DNM3: variants seen among roughly 807,000 people sequenced by gnomAD.
The protein encoded by DNM3 is dynamin-3.
Under a neutral mutation model 101.6 loss-of-function variants are expected in DNM3, and 47 were observed. That is an observed-to-expected ratio of 0.46 (90% CI 0.37 to 0.59). The LOEUF (loss-of-function observed/expected upper bound fraction) is 0.59, where lower values mean the gene tolerates loss of function less well. Ranked by LOEUF, DNM3 falls within the 20% of genes least tolerant of loss-of-function variation. DNM3 has a pLI of 0.00. For synonymous variants in DNM3, 385 were observed against 387.9 expected (o/e 0.99, Z 0.09); for missense variants, 849 against 1,085.7 (o/e 0.78, Z 3.06).
At chr1:172,060,216 G>A (rs1452376909) in intron 10 of DNM3, among the ~76,000 whole-genome samples, 6 of 133,610 alleles carry the variant, frequency 4.5e-5, no homozygotes, top group Non-Finnish European at 7.9e-5. Flanking sequence ...CAAATGGAAG[G>A]ACATTCCATG....
intron 15 of DNM3, among the ~76,000 whole-genome samples, chr1:172,276,555 TAA>T (rs1471771661): frequency 0.024 from 602 of 24,836 alleles, 6 homozygotes; most frequent in Non-Finnish European, 0.041. Context: ...AAAAAAATCT[TAA>T]TGTGTGTGTG....
At chr1:172,090,324 GT>G (rs1199687888) in intron 12 of DNM3, among the ~76,000 whole-genome samples, 2 of 152,194 alleles carry the variant, frequency 1.3e-5, no homozygotes, top group Non-Finnish European at 2.9e-5. Flanking sequence ...GACATTTAAT[GT>G]GGAAAAAGAA....
intron 15 of DNM3, among the ~76,000 whole-genome samples, chr1:172,284,176 A>G (rs962898989): frequency 7.2e-5 from 11 of 152,108 alleles, no homozygotes; most frequent in Non-Finnish European, 1.5e-4. Flanking sequence ...CTGGTCAAAG[A>G]CCCCTTTGTA....
intron 2 of DNM3, among the ~76,000 whole-genome samples, chr1:171,975,196 G>T (rs868570689): frequency 1.3e-5 from 2 of 151,976 alleles, no homozygotes; most frequent in Non-Finnish European, 1.5e-5. Flanking sequence ...AAATGATTGG[G>T]TTGACTCTAT....
chr1:172,297,296 A>T (rs2064214942), intron 15 of DNM3, among the ~76,000 whole-genome samples: 1 of 152,086 alleles, frequency 6.6e-6, no homozygotes, highest in Non-Finnish European at 1.5e-5. Flanking sequence ...TTTTTGCCAT[A>T]GGGTTGCATA....
At chr1:172,249,768 CA>C (rs59928060) in intron 14 of DNM3, among the ~76,000 whole-genome samples, 6,671 of 146,250 alleles carry the variant, frequency 0.046, 446 homozygotes, top group African/African-American at 0.15. Flanking sequence ...TTATTTATTA[CA>C]AAAAAATGCT....
chr1:172,368,521 A>G (rs1273568975), intron 17 of DNM3, among the ~76,000 whole-genome samples: 1 of 151,950 alleles, frequency 6.6e-6, no homozygotes, highest in East Asian at 1.9e-4. Context: ...ACATCAAAAA[A>G]GTAGAAAGAT....
intron 15 of DNM3, among the ~76,000 whole-genome samples, chr1:172,260,864 T>C (rs1043208792): frequency 1.3e-5 from 2 of 152,150 alleles, no homozygotes; most frequent in African/African-American, 4.8e-5. Flanking sequence ...CCCCTTCTTG[T>C]GTCTCTCTGA....
chr1:171,998,390 A>C (rs6672365), intron 4 of DNM3, among the ~76,000 whole-genome samples: 45,916 of 152,060 alleles, frequency 0.3, 10,093 homozygotes, highest in African/African-American at 0.63. Flanking sequence ...GATTACATCC[A>C]CAAAGCACTC....
chr1:172,326,152 G>A (rs1254271250), intron 17 of DNM3, among the ~76,000 whole-genome samples: 2 of 152,092 alleles, frequency 1.3e-5, no homozygotes, highest in African/African-American at 2.4e-5. Flanking sequence ...AAAACATCAA[G>A]GTTCACATTC....
intron 18 of DNM3, among the ~76,000 whole-genome samples, chr1:172,382,182 AC>A (rs1476902169): frequency 6.6e-6 from 1 of 152,158 alleles, no homozygotes; most frequent in Non-Finnish European, 1.5e-5. Flanking sequence ...ATACCAGGTA[AC>A]AGCAGCACAA....
At chr1:171,951,236 A>G (rs767664690) in intron 2 of DNM3, among the ~76,000 whole-genome samples, 5 of 152,176 alleles carry the variant, frequency 3.3e-5, no homozygotes, top group Non-Finnish European at 7.3e-5. Flanking sequence ...TCTTTTACCT[A>G]AGACATGATG....
At chr1:171,843,979 T>C (rs1193855949) in intron 1 of DNM3, among the ~76,000 whole-genome samples, 1 of 152,232 alleles carries the variant, frequency 6.6e-6, no homozygotes, top group East Asian at 1.9e-4. Flanking sequence ...AAAAAGGTCA[T>C]TTAATTCATA....
chr1:172,388,368 A>G (rs1304935519), intron 19 of DNM3, among the ~76,000 whole-genome samples: 1 of 152,236 alleles, frequency 6.6e-6, no homozygotes, highest in East Asian at 1.9e-4. Context: ...AAACTTCTAT[A>G]GTTGTTTCAA....
At chr1:172,333,229 T>A (rs2066265926) in intron 17 of DNM3, among the ~76,000 whole-genome samples, 1 of 152,150 alleles carries the variant, frequency 6.6e-6, no homozygotes, top group African/African-American at 2.4e-5. Flanking sequence ...TATTATTAAC[T>A]TGAAATCTAA....
chr1:172,142,068 T>C (rs903106618), intron 14 of DNM3: 7 of 152,078 alleles, frequency 4.6e-5, no homozygotes, highest in African/African-American at 1.7e-4. Context: ...CTATGAAGTG[T>C]AGTTTGGACA....
At chr1:172,176,166 GT>G (rs1481027622) in intron 14 of DNM3, among the ~76,000 whole-genome samples, 1 of 151,786 alleles carries the variant, frequency 6.6e-6, no homozygotes, top group Non-Finnish European at 1.5e-5. Flanking sequence ...CATAGGGTCT[GT>G]TTAAGGGGGA....
chr1:171,954,604 G>A (rs568447520), intron 2 of DNM3, among the ~76,000 whole-genome samples: 1 of 152,334 alleles, frequency 6.6e-6, no homozygotes, highest in East Asian at 1.9e-4. Context: ...CTGATACGCA[G>A]TTCCCTCTGT....
intron 13 of DNM3, among the ~76,000 whole-genome samples, chr1:172,117,129 T>C (rs2055961076): frequency 6.6e-6 from 1 of 151,478 alleles, no homozygotes; most frequent in Non-Finnish European, 1.5e-5. Context: ...TGCTTGAACC[T>C]AGGAGGCAGA....
Sources: gnomAD v4.1 joint callset for allele counts (sites outside exome capture counted in the v4.1 genomes callset) on GRCh38, gnomAD v4.1.1 for gene constraint, MANE v1.5 for transcripts, NCBI Gene and HGNC (gene_info 2026-07-23, HGNC 2026-07-21) for gene names.